The following PCDHA5 variants were observed in gnomAD, a reference collection of about 807,000 sequenced individuals.
The protein encoded by PCDHA5 is protocadherin alpha-5.
PCDHA5 carries 43 observed loss-of-function variants against 61.6 expected under a neutral mutation model. The ratio of observed to expected loss-of-function variants is 0.70; its 90% CI spans 0.55 to 0.90. PCDHA5 has a LOEUF of 0.90. Ranked by LOEUF, PCDHA5 falls within the 40% of genes least tolerant of loss-of-function variation. The probability of loss-of-function intolerance (pLI) is 0.00; values close to 1 mark genes in which losing one functional copy is unlikely to be tolerated. For missense variants in PCDHA5, 1,298 were observed against 1,222.7 expected, an observed-to-expected ratio of 1.06 and a Z score of -0.92; for synonymous variants, 627 against 543.9, an observed-to-expected ratio of 1.15 and a Z score of -2.13.
intron 1 of PCDHA5, chr5:140,825,399 A>G (rs1460047226): frequency 2.7e-5 from 4 of 145,886 alleles, no homozygotes; most frequent in Non-Finnish European, 6.0e-5. Flanking sequence ...TATCTAATAT[A>G]TTATATATTT....
chr5:140,887,197 C>T (rs1348316837), intron 1 of PCDHA5, among the ~76,000 whole-genome samples: 1 of 151,678 alleles, frequency 6.6e-6, no homozygotes, highest in Non-Finnish European at 1.5e-5. Flanking sequence ...CCCGGGTTCA[C>T]GCCATTCTCC....
Position 140,967,255 on chromosome 5 carries a change from T to C in PCDHA5, c.2353-11694T>C, listed in dbSNP as rs202164321. ...TTCAGGTAAGCGAATCGGTGGCGCC[T>C]GGAGCGCGCTTTCACATAGAGAGTG... On this transcript the variant is annotated intron_variant, in intron 1 of 3. Coordinates refer to ENST00000529859, the MANE Select transcript of PCDHA5 (RefSeq NM_018908.3). The C allele has an allele frequency of 1.8e-4, 297 of 1,613,460 alleles. 1 individual carries two copies. The East Asian group carries it at 6.5e-3, about 35-fold the overall frequency.
At chr5:140,933,043 TTACAG>T (rs2088815102) in intron 1 of PCDHA5, among the ~76,000 whole-genome samples, 1 of 151,992 alleles carries the variant, frequency 6.6e-6, no homozygotes, top group Admixed American at 6.5e-5. Flanking sequence ...TGAATATGGA[TTACAG>T]TCCAGGATCC....
chr5:140,862,131 G>C (rs375206364), intron 1 of PCDHA5: 1 of 162,230 alleles, frequency 6.2e-6, no homozygotes, highest in Non-Finnish European at 1.4e-5. Context: ...TGTAAAGATA[G>C]GTTTTGAGGA....
chr5:140,882,404 G>T, intron 1 of PCDHA5: 1 of 1,614,152 alleles, frequency 6.2e-7, no homozygotes, highest in Non-Finnish European at 8.5e-7. Context: ...CACCTTCGTG[G>T]GCCGCATCGC....
At chr5:140,850,268 G>T in intron 1 of PCDHA5, 1 of 1,594,774 alleles carries the variant, frequency 6.3e-7, no homozygotes, top group Non-Finnish European at 8.6e-7. Flanking sequence ...GCGTAGTGGT[G>T]GGGAAGGTGC....
At chr5:140,858,411 CTAT>C (rs782056031) in intron 1 of PCDHA5, 1 of 1,564,168 alleles carries the variant, frequency 6.4e-7, no homozygotes. Flanking sequence ...GAAGATCAGT[CTAT>C]TGGAGGGGAC....
chr5:140,910,737 G>A (rs1405978966), intron 1 of PCDHA5, among the ~76,000 whole-genome samples: 2 of 152,008 alleles, frequency 1.3e-5, no homozygotes, highest in African/African-American at 4.8e-5. Context: ...AGCTAACCAA[G>A]CACATAAATT....
chr5:140,869,340 G>A (rs1554162920), intron 1 of PCDHA5: 4 of 1,614,018 alleles, frequency 2.5e-6, no homozygotes, highest in Non-Finnish European at 3.4e-6. Flanking sequence ...AGGTAAATCT[G>A]CAGAATGGCA....
rs2150217412 is a variant in PCDHA5, at chr5:140,834,416, C to T, written c.2352+10289C>T. 4.3e-6 allele frequency: 7 copies of T among 1,611,040 alleles called. No individual in the cohort carries two copies. In the East Asian group the frequency reaches 1.1e-4, roughly 26 times the overall value. The stretch of plus-strand genomic sequence containing the variant: ...GCCCGAATGGATACGACCCAGGGGG[C>T]CGACATCTACTGCTGTTTATTATAA... On this transcript the variant is annotated intron_variant, in intron 1 of 3. Transcript: ENST00000529859.
chr5:140,884,241 C>G lies in PCDHA5; in HGVS notation c.2352+60114C>G, dbSNP rs782355331. 3.7e-6 allele frequency: 6 copies of G among 1,613,408 alleles called. No homozygotes were observed. The South Asian group carries it at 4.4e-5, about 12-fold the overall frequency. ...CTGGTGAAGGACCACGGTGAGCCCG[C>G]GCTGACGGCCACGGCAACGGTGCTG... On this transcript the variant is annotated intron_variant, in intron 1 of 3. Coordinates refer to ENST00000529859, the MANE Select transcript of PCDHA5 (RefSeq NM_018908.3).
At chr5:140,835,774 T>C in intron 1 of PCDHA5, 3 of 1,613,040 alleles carry the variant, frequency 1.9e-6, no homozygotes, top group Non-Finnish European at 2.5e-6. Context: ...ACGGTGTTCG[T>C]GAAGGAGAAC....
At chr5:140,850,986 T>A in intron 1 of PCDHA5, 1 of 1,450,124 alleles carries the variant, frequency 6.9e-7, no homozygotes, top group Non-Finnish European at 9.1e-7. Flanking sequence ...TTTATTCATT[T>A]TTCTAGAAAT....
rs1554129194 is a variant in PCDHA5, at chr5:140,823,206, T to C, written c.1431T>C (p.Ser477=). The change falls in exon 1 of 4, where the codon TCT becomes TCC. Residue 477 remains serine, a synonymous_variant. Coordinates refer to ENST00000529859, the MANE Select transcript of PCDHA5 (RefSeq NM_018908.3). ...CAGGCTGCCACATCTTCACGGTGTC[T>C]GCACGGGACGCGGACGCGCAGGAGA... ...NPPGCHIFTV[S]ARDADAQENA... is the part of the protein sequence containing the mutation. 8.1e-6 allele frequency: 13 copies of C among 1,613,806 alleles called. No individual in the cohort carries two copies. The highest frequency in any genetic ancestry group is 1.1e-5 in the Non-Finnish European group (13 of 1,179,816).
intron 1 of PCDHA5, chr5:140,836,636 C>A (rs2150266431): frequency 5.6e-6 from 9 of 1,613,404 alleles, no homozygotes; most frequent in Admixed American, 3.3e-5. Context: ...GGTCATTCTC[C>A]CAGCAGAGGC....
At chr5:140,937,798 G>A (rs782138454) in intron 1 of PCDHA5, among the ~76,000 whole-genome samples, 1 of 151,676 alleles carries the variant, frequency 6.6e-6, no homozygotes, top group African/African-American at 2.4e-5. Flanking sequence ...TGTAGTCCCA[G>A]CTACTCGGGA....
At chr5:140,888,956 G>T (rs1043287613) in intron 1 of PCDHA5, among the ~76,000 whole-genome samples, 2 of 151,722 alleles carry the variant, frequency 1.3e-5, no homozygotes, top group Non-Finnish European at 2.9e-5. Flanking sequence ...TTTTTCTTTG[G>T]CAATGTTAAT....
At chr5:140,938,333 T>G (rs2092022298) in intron 1 of PCDHA5, among the ~76,000 whole-genome samples, 1 of 152,248 alleles carries the variant, frequency 6.6e-6, no homozygotes, top group Non-Finnish European at 1.5e-5. Context: ...GTAATGTTAA[T>G]GGATAATCTT....
intron 1 of PCDHA5, chr5:140,882,154 A>C (rs2058976763): frequency 1.3e-6 from 2 of 1,505,976 alleles, no homozygotes; most frequent in Non-Finnish European, 1.8e-6. Flanking sequence ...AGAAAGCGGA[A>C]TACCTCTTGC....
Sources: allele counts gnomAD v4.1 joint callset (sites outside exome capture counted in the v4.1 genomes callset), GRCh38; gene constraint gnomAD v4.1.1; transcripts MANE v1.5; gene names NCBI Gene and HGNC (gene_info 2026-07-23, HGNC 2026-07-21).